The following NR3C2 variants were observed in gnomAD, a reference collection of about 807,000 sequenced individuals.
NR3C2 encodes mineralocorticoid receptor.
In NR3C2, 15 loss-of-function variants were observed where a neutral mutation model predicts 86.4. The observed-to-expected ratio is 0.17, with a 90% confidence interval of 0.12 to 0.27. NR3C2 has a LOEUF of 0.27. Ranked by LOEUF, NR3C2 falls within the 10% of genes least tolerant of loss-of-function variation. NR3C2 has a pLI of 1.00. For missense variants in NR3C2, 960 were observed against 1,195.6 expected, an observed-to-expected ratio of 0.80 and a Z score of 2.91; for synonymous variants, 458 against 450.5, an observed-to-expected ratio of 1.02 and a Z score of -0.21.
At chr4:148,111,804 C>T (rs529572648) in intron 8 of NR3C2, among the ~76,000 whole-genome samples, 3 of 151,866 alleles carry the variant, frequency 2.0e-5, no homozygotes, top group Non-Finnish European at 4.4e-5. Flanking sequence ...ATTCACAGAG[C>T]GATATAGAAA....
At chr4:148,386,785 T>G (rs999980302) in intron 2 of NR3C2, among the ~76,000 whole-genome samples, 2 of 152,178 alleles carry the variant, frequency 1.3e-5, no homozygotes, top group Non-Finnish European at 2.9e-5. Flanking sequence ...GTTAACTTCT[T>G]TCTACCCTTT....
At chr4:148,102,241 C>A (rs1291785926) in intron 8 of NR3C2, among the ~76,000 whole-genome samples, 1 of 152,182 alleles carries the variant, frequency 6.6e-6, no homozygotes, top group Non-Finnish European at 1.5e-5. Context: ...TCTGTGCCCT[C>A]TTCTTGAGCT....
intron 2 of NR3C2, among the ~76,000 whole-genome samples, chr4:148,411,354 A>T (rs977497543): frequency 6.6e-6 from 1 of 152,208 alleles, no homozygotes; most frequent in Non-Finnish European, 1.5e-5. Flanking sequence ...GATTTAAAAG[A>T]TGTTAACATT....
At chr4:148,416,430 A>G (rs531781704) in intron 2 of NR3C2, among the ~76,000 whole-genome samples, 1 of 152,324 alleles carries the variant, frequency 6.6e-6, no homozygotes, top group East Asian at 1.9e-4. Context: ...TATCATCTCC[A>G]TTTTACAGAT....
At chr4:148,196,465 A>G (rs902020754) in intron 3 of NR3C2, among the ~76,000 whole-genome samples, 5 of 152,118 alleles carry the variant, frequency 3.3e-5, no homozygotes, top group Non-Finnish European at 4.4e-5. Context: ...CATAGACTGG[A>G]GAGTGAAGCC....
chr4:148,441,807 A>T (rs2126672160), intron 1 of NR3C2, among the ~76,000 whole-genome samples: 1 of 152,346 alleles, frequency 6.6e-6, no homozygotes, highest in East Asian at 1.9e-4. Context: ...AGCGTCCGCA[A>T]TTGATAAAGG....
At chr4:148,308,462 C>G (rs906711941) in intron 2 of NR3C2, among the ~76,000 whole-genome samples, 5 of 151,914 alleles carry the variant, frequency 3.3e-5, no homozygotes, top group Non-Finnish European at 7.4e-5. Context: ...ATGATGAGTA[C>G]CAACTTATGA....
At chr4:148,302,462 T>C (rs1201510205) in intron 2 of NR3C2, among the ~76,000 whole-genome samples, 1 of 152,188 alleles carries the variant, frequency 6.6e-6, no homozygotes, top group East Asian at 1.9e-4. Context: ...TCTCCAGAAT[T>C]TAGAAACTAG....
intron 2 of NR3C2, among the ~76,000 whole-genome samples, chr4:148,307,657 G>A (rs1742698138): frequency 6.6e-6 from 1 of 152,036 alleles, no homozygotes; most frequent in African/African-American, 2.4e-5. Context: ...TCTAGAGATG[G>A]TGCCAGCACT....
chr4:148,337,833 CTTTCTG>C (rs1437650259), intron 2 of NR3C2, among the ~76,000 whole-genome samples: 2 of 152,126 alleles, frequency 1.3e-5, no homozygotes, highest in Non-Finnish European at 2.9e-5. Context: ...TGGGACTTCA[CTTTCTG>C]TTTTTGTTTT....
intron 2 of NR3C2, among the ~76,000 whole-genome samples, chr4:148,403,322 C>T (rs867143861): frequency 8.5e-5 from 13 of 152,102 alleles, no homozygotes; most frequent in Middle Eastern, 3.4e-3. Flanking sequence ...TAATTTTTTA[C>T]ACTTTGTTAT....
intron 2 of NR3C2, among the ~76,000 whole-genome samples, chr4:148,412,521 TA>T (rs1356874992): frequency 6.6e-6 from 1 of 152,118 alleles, no homozygotes; most frequent in Non-Finnish European, 1.5e-5. Flanking sequence ...TGTCTATTGG[TA>T]ATTTAATTGG....
chr4:148,103,744 A>G (rs1279659119), intron 8 of NR3C2, among the ~76,000 whole-genome samples: 1 of 152,084 alleles, frequency 6.6e-6, no homozygotes, highest in Admixed American at 6.5e-5. Flanking sequence ...TTAAACCATT[A>G]ATGTGGTGAC....
intron 2 of NR3C2, among the ~76,000 whole-genome samples, chr4:148,274,880 T>A (rs375139617): frequency 6.6e-6 from 1 of 151,916 alleles, no homozygotes; most frequent in Non-Finnish European, 1.5e-5. Flanking sequence ...GTATTTTTAG[T>A]AGAGATGGGG....
chr4:148,271,632 C>A (rs1013847483), intron 2 of NR3C2, among the ~76,000 whole-genome samples: 3 of 151,996 alleles, frequency 2.0e-5, no homozygotes, highest in Non-Finnish European at 4.4e-5. Context: ...CAAAAACTAC[C>A]AAATACTCTA....
chr4:148,445,048 G>T, upstream of NR3C2: 1 of 966,930 alleles, frequency 1.0e-6, no homozygotes, highest in Non-Finnish European at 1.2e-6. Context: ...GCGGCACCGC[G>T]TCCGGCCACC....
intron 6 of NR3C2, among the ~76,000 whole-genome samples, chr4:148,133,258 T>C (rs1733117592): frequency 1.3e-5 from 2 of 152,070 alleles, no homozygotes; most frequent in South Asian, 4.1e-4. Context: ...GCCTCGTATT[T>C]GTAGGCTAGG....
intron 4 of NR3C2, among the ~76,000 whole-genome samples, chr4:148,187,597 T>C (rs1735989660): frequency 6.6e-6 from 1 of 152,170 alleles, no homozygotes. Flanking sequence ...TTCTGTATAT[T>C]AGCCCTTTGT....
chr4:148,241,539 G>T (rs13133715), intron 3 of NR3C2, among the ~76,000 whole-genome samples: 152,058 of 152,058 alleles, frequency 1, 76,029 homozygotes, highest in Non-Finnish European at 1. Context: ...TTAAGCTCTC[G>T]TGTGTCTCAT....
Sources: gnomAD v4.1 joint callset for allele counts (sites outside exome capture counted in the v4.1 genomes callset) on GRCh38, gnomAD v4.1.1 for gene constraint, MANE v1.5 for transcripts, NCBI Gene and HGNC (gene_info 2026-07-23, HGNC 2026-07-21) for gene names.